ATP8A2: variants seen among roughly 807,000 people sequenced by gnomAD.
The protein encoded by ATP8A2 is phospholipid-transporting ATPase IB.
A neutral mutation model predicts 165.6 loss-of-function variants in ATP8A2; 100 were observed. The observed-to-expected ratio is 0.60, with a 90% CI of 0.51 to 0.71. The LOEUF (loss-of-function observed/expected upper bound fraction) is 0.71. Among genes scored for constraint, ATP8A2 ranks in the 30% least tolerant of loss-of-function variants. ATP8A2 has a pLI of 0.00. For missense variants in ATP8A2, 1,227 were observed against 1,479.5 expected (o/e 0.83, Z 2.80); for synonymous variants, 543 against 548.8 (o/e 0.99, Z 0.15).
chr13:25,833,858 T>TA (rs1208985687), intron 28 of ATP8A2, among the ~76,000 whole-genome samples: 2 of 152,312 alleles, frequency 1.3e-5, no homozygotes, highest in African/African-American at 4.8e-5. Flanking sequence ...AGAACCCATT[T>TA]AAAAAACCAA....
At position 25,968,637 on chromosome 13, in the gene ATP8A2, G is replaced by A. The variant is rs768704138; in HGVS notation, c.3335G>A (p.Arg1112Gln). The A allele has an allele frequency of 6.2e-6, 10 of 1,613,780 alleles. No homozygotes were observed. The East Asian group carries it at 1.6e-4, about 25-fold the overall frequency. ...EEVQELETKS[R>Q]VLGKAVLRDS... The stretch of plus-strand genomic sequence containing the variant: ...GTGCAGGAGCTGGAAACCAAGTCTC[G>A]AGTCCTGGGAAAAGCGGTGCTGCGG... Residue 1112 changes from arginine (R) to glutamine (Q), a missense_variant, in exon 35 of 37, where the codon CGA (arginine) becomes CAA (glutamine). Around this residue, in one of 5 missense-constraint regions of ATP8A2, gnomAD observed 260 missense variants for 245.1 expected, o/e 1.06. Transcript: ENST00000381655.
rs2042009991 is a variant in ATP8A2 at position 25,659,726 on chromosome 13, C to CTGCTATCTGTCTTTGTAGGCACTCTCT, written c.2212-39447_2212-39446insTGCTATCTGTCTTTGTAGGCACTCTCT. ...CACTTTCCTAAGAAACTTGTAAGGA[C>CTGCTATCTGTCTTTGTAGGCACTCTCT]CTCTCTAAGGCACTGCTATCTGTCT... is the stretch of plus-strand genomic sequence containing the variant. On this transcript the variant is annotated intron_variant, in intron 24 of 36. Transcript: ENST00000381655. Among the ~76,000 whole-genome samples, 12 of 152,214 alleles carry CTGCTATCTGTCTTTGTAGGCACTCTCT rather than the reference C, an allele frequency of 7.9e-5. 2 individuals carry two copies. Among genetic ancestry groups the CTGCTATCTGTCTTTGTAGGCACTCTCT allele is most frequent in the Admixed American group, 7.8e-4 (12 of 15,294 alleles).
At chr13:25,512,002 C>G (rs185516876) in intron 2 of ATP8A2, among the ~76,000 whole-genome samples, 16 of 151,750 alleles carry the variant, frequency 1.1e-4, no homozygotes, top group East Asian at 3.9e-4. Flanking sequence ...GAACAAAGGT[C>G]TCTAGTTTTC....
At chr13:25,999,422 G>T (rs1017221049) in intron 35 of ATP8A2, among the ~76,000 whole-genome samples, 2 of 152,084 alleles carry the variant, frequency 1.3e-5, no homozygotes, top group Non-Finnish European at 1.5e-5. Flanking sequence ...TCTGAAACTG[G>T]ATTCATTGCT....
chr13:25,397,242 G>A (rs1325814111), intron 1 of ATP8A2, among the ~76,000 whole-genome samples: 1 of 152,182 alleles, frequency 6.6e-6, no homozygotes, highest in Non-Finnish European at 1.5e-5. Context: ...GCAGACAGTT[G>A]TCCTATAGCA....
At chr13:25,598,286 G>T (rs556869291) in intron 24 of ATP8A2, among the ~76,000 whole-genome samples, 2 of 152,140 alleles carry the variant, frequency 1.3e-5, no homozygotes, top group Admixed American at 6.5e-5. Flanking sequence ...AACAAGTCTT[G>T]AGATCCTCCA....
chr13:25,448,230 T>C (rs2035121479), intron 1 of ATP8A2, among the ~76,000 whole-genome samples: 1 of 152,226 alleles, frequency 6.6e-6, no homozygotes, highest in South Asian at 2.1e-4. Context: ...TATTTTGAAA[T>C]ATACAATAAA....
chr13:25,552,846 C>A (rs1219440173), intron 11 of ATP8A2, among the ~76,000 whole-genome samples: 1 of 151,914 alleles, frequency 6.6e-6, no homozygotes, highest in Non-Finnish European at 1.5e-5. Context: ...TATGCCTGCT[C>A]CCCCTGTACC....
intron 1 of ATP8A2, among the ~76,000 whole-genome samples, chr13:25,440,761 C>T (rs190226678): frequency 6.6e-5 from 10 of 152,118 alleles, no homozygotes; most frequent in Non-Finnish European, 1.3e-4. Context: ...TTTTTCAATC[C>T]GATGCCTTCT....
At chr13:25,665,587 GT>G (rs2042136712) in intron 24 of ATP8A2, among the ~76,000 whole-genome samples, 1 of 128,538 alleles carries the variant, frequency 7.8e-6, no homozygotes, top group African/African-American at 3.8e-5. Context: ...TATGGGACTT[GT>G]TGTGCCTGTG....
chr13:25,399,894 C>T (rs1334264127), intron 1 of ATP8A2, among the ~76,000 whole-genome samples: 1 of 140,318 alleles, frequency 7.1e-6, no homozygotes, highest in Non-Finnish European at 1.6e-5. Flanking sequence ...TCCTCCTCCT[C>T]CTCTTATTCT....
At chr13:25,801,544 C>G (rs1440486210) in intron 27 of ATP8A2, among the ~76,000 whole-genome samples, 1 of 152,150 alleles carries the variant, frequency 6.6e-6, no homozygotes, top group Non-Finnish European at 1.5e-5. Flanking sequence ...TCCAAATGAT[C>G]AGAGAGGAAC....
At chr13:25,907,976 G>C (rs933777816) in intron 33 of ATP8A2, among the ~76,000 whole-genome samples, 5 of 152,280 alleles carry the variant, frequency 3.3e-5, no homozygotes, top group African/African-American at 1.2e-4. Flanking sequence ...TGTCCTGTTG[G>C]ATTGCTTGTT....
chr13:25,682,756 G>C (rs551309373), intron 24 of ATP8A2, among the ~76,000 whole-genome samples: 1 of 152,204 alleles, frequency 6.6e-6, no homozygotes, highest in South Asian at 2.1e-4. Flanking sequence ...CAACATTAAA[G>C]CATCCCCTGA....
intron 35 of ATP8A2, among the ~76,000 whole-genome samples, chr13:25,994,348 G>A (rs919981493): frequency 1.3e-5 from 2 of 151,782 alleles, no homozygotes; most frequent in Admixed American, 6.6e-5. Context: ...CTTCCTTTCT[G>A]GTCCCTGTAT....
At chr13:25,484,607 C>T (rs951414592) in intron 2 of ATP8A2, among the ~76,000 whole-genome samples, 5 of 152,080 alleles carry the variant, frequency 3.3e-5, no homozygotes, top group Non-Finnish European at 5.9e-5. Context: ...ATCCCACTCC[C>T]GGATTCAGGT....
At chr13:25,968,190 T>A (rs1408977683) in intron 34 of ATP8A2, among the ~76,000 whole-genome samples, 2 of 152,238 alleles carry the variant, frequency 1.3e-5, no homozygotes, top group African/African-American at 4.8e-5. Flanking sequence ...AGGGAACCAG[T>A]GCCTGTTCAC....
Position 25,973,731 on chromosome 13 carries a change from T to TCC in ATP8A2, c.3377+5054_3377+5055dup, listed in dbSNP as rs548872639. ...CATCACACCTCTAAGTCAAAATCAG[T>TCC]CCCACTGCCAGGCTGAGCATGTCGC... On this transcript the variant is annotated intron_variant, in intron 35 of 36. Transcript: ENST00000381655. 5.3e-5 allele frequency among the ~76,000 whole-genome samples: 8 copies of TCC among 152,294 alleles called. No homozygotes were observed. The South Asian group carries it at 1.7e-3, about 32-fold the overall frequency.
chr13:25,739,540 A>G (rs1400033428), intron 25 of ATP8A2, among the ~76,000 whole-genome samples: 1 of 152,114 alleles, frequency 6.6e-6, no homozygotes, highest in East Asian at 1.9e-4. Context: ...AGCCTGTTCT[A>G]TTGCAAAATA....
Sources: gnomAD v4.1 joint callset for allele counts (sites outside exome capture counted in the v4.1 genomes callset) on GRCh38, gnomAD v4.1.1 for gene constraint, gnomAD v4.1.1 regional missense constraint, MANE v1.5 for transcripts, NCBI Gene and HGNC (gene_info 2026-07-23, HGNC 2026-07-21) for gene names.